CSGALNACT1: variants seen among roughly 807,000 people sequenced by gnomAD.
CSGALNACT1 encodes chondroitin sulfate N-acetylgalactosaminyltransferase 1, also known as beta4GalNAcT-1.
A neutral mutation model predicts 51.0 loss-of-function variants in CSGALNACT1; 52 were observed. That is an observed-to-expected ratio of 1.02 (90% confidence interval 0.82 to 1.29). The LOEUF is 1.29. Among genes scored for constraint, CSGALNACT1 ranks in the 50% most tolerant of loss-of-function variants. The pLI is 0.00. For missense variants in CSGALNACT1, 935 were observed against 679.2 expected (o/e 1.38, Z -4.19); for synonymous variants, 341 against 254.4 (o/e 1.34, Z -3.24).
intron 6 of CSGALNACT1, among the ~76,000 whole-genome samples, chr8:19,424,206 C>G (rs1435107528): frequency 6.6e-6 from 1 of 152,188 alleles, no homozygotes; most frequent in South Asian, 2.1e-4. Context: ...AGAGTCACTG[C>G]TGGCTTGGGA....
At chr8:19,459,250 T>C (rs1193925538) in intron 4 of CSGALNACT1, among the ~76,000 whole-genome samples, 1 of 151,718 alleles carries the variant, frequency 6.6e-6, no homozygotes, top group Non-Finnish European at 1.5e-5. Flanking sequence ...GAGCGTCATG[T>C]TGTGCGCCTG....
intron 4 of CSGALNACT1, among the ~76,000 whole-genome samples, chr8:19,482,377 G>A (rs2071649636): frequency 6.6e-6 from 1 of 152,106 alleles, no homozygotes; most frequent in Admixed American, 6.5e-5. Flanking sequence ...AACATCAGAG[G>A]ACTTTTTCCT....
chr8:19,455,736 C>G (rs934138049), intron 5 of CSGALNACT1, among the ~76,000 whole-genome samples: 2 of 152,224 alleles, frequency 1.3e-5, no homozygotes, highest in Non-Finnish European at 2.9e-5. Context: ...GCCTCCTGCT[C>G]CAGTGTCAGC....
chr8:19,475,682 GAA>G (rs1223078690), intron 4 of CSGALNACT1, among the ~76,000 whole-genome samples: 5 of 152,170 alleles, frequency 3.3e-5, no homozygotes, highest in Non-Finnish European at 7.3e-5. Flanking sequence ...CTTAAATACT[GAA>G]GATGAGGTTT....
intron 6 of CSGALNACT1, among the ~76,000 whole-genome samples, chr8:19,437,425 T>G (rs947587790): frequency 6.6e-6 from 1 of 152,068 alleles, no homozygotes; most frequent in Non-Finnish European, 1.5e-5. Context: ...GGAAGATTGA[T>G]CTGGAAGGTA....
rs541789388 is a variant in CSGALNACT1 at position 19,749,306 on chromosome 8, C to T, written c.-297+8544G>A. 1.5e-4 allele frequency among the ~76,000 whole-genome samples: 23 copies of T among 150,968 alleles called. No individual in the cohort carries two copies. The South Asian group carries it at 4.4e-3, about 29-fold the overall frequency. On this transcript the variant is annotated intron_variant, in intron 1 of 1. Coordinates refer to the CSGALNACT1 transcript ENST00000517494. Reference sequence around the variant, plus strand: ...GGCTTTTGAAAATTACAGTAACTTGCTTGAAACAAACTCTTCTCCAATTCG... The same window carrying T: ...GGCTTTTGAAAATTACAGTAACTTGTTTGAAACAAACTCTTCTCCAATTCG...
chr8:19,603,408 G>T (rs1468364510), upstream of CSGALNACT1, among the ~76,000 whole-genome samples: 1 of 152,212 alleles, frequency 6.6e-6, no homozygotes, highest in African/African-American at 2.4e-5. Flanking sequence ...CCTAGGGCCA[G>T]CTCTTGGCCC....
At chr8:19,627,997 T>C (rs1037257396) in intron 1 of CSGALNACT1, among the ~76,000 whole-genome samples, 1 of 152,208 alleles carries the variant, frequency 6.6e-6, no homozygotes, top group African/African-American at 2.4e-5. Flanking sequence ...CTCTCTGTAC[T>C]ATTTTTTTCA....
chr8:19,682,766 G>A (rs1482376536), upstream of CSGALNACT1: 1 of 454,042 alleles, frequency 2.2e-6, no homozygotes, highest in Admixed American at 2.3e-5. Context: ...AAGCCCGTCT[G>A]CCCAAGTTTG....
intron 5 of CSGALNACT1, among the ~76,000 whole-genome samples, chr8:19,452,181 T>G (rs991438143): frequency 1.3e-5 from 2 of 152,136 alleles, no homozygotes; most frequent in African/African-American, 2.4e-5. Context: ...CTGGCCCCAC[T>G]GACCGCCTCC....
chr8:19,604,502 C>G (rs1435847336), upstream of CSGALNACT1, among the ~76,000 whole-genome samples: 15 of 152,160 alleles, frequency 9.9e-5, no homozygotes, highest in East Asian at 7.7e-4. Flanking sequence ...AAGTCAGGAT[C>G]TTTCTAACTT....
At chr8:19,624,007 T>C (rs990493414) in intron 1 of CSGALNACT1, among the ~76,000 whole-genome samples, 4 of 152,222 alleles carry the variant, frequency 2.6e-5, no homozygotes, top group South Asian at 4.1e-4. Flanking sequence ...AGCTACTCCA[T>C]GGAACACAAG....
chr8:19,754,828 G>A (rs73667409), intron 1 of CSGALNACT1, among the ~76,000 whole-genome samples: 3,386 of 152,258 alleles, frequency 0.022, 141 homozygotes, highest in African/African-American at 0.077. Context: ...CCCTAGTGGC[G>A]AAGCTCCTCT....
At chr8:19,631,916 T>C (rs1051299331) in intron 1 of CSGALNACT1, among the ~76,000 whole-genome samples, 1 of 152,164 alleles carries the variant, frequency 6.6e-6, no homozygotes, top group African/African-American at 2.4e-5. Context: ...CTATAGCTTA[T>C]CCAGATGTTC....
At chr8:19,612,273 G>A (rs1236659339) in intron 1 of CSGALNACT1, among the ~76,000 whole-genome samples, 1 of 151,884 alleles carries the variant, frequency 6.6e-6, no homozygotes, top group Non-Finnish European at 1.5e-5. Context: ...AGCCTGGGAG[G>A]CTGAGGTTGC....
At chr8:19,626,455 C>T (rs1472206077) in intron 1 of CSGALNACT1, among the ~76,000 whole-genome samples, 1 of 152,018 alleles carries the variant, frequency 6.6e-6, no homozygotes, top group African/African-American at 2.4e-5. Context: ...GATCCTAGAT[C>T]TCAATGTAAA....
chr8:19,565,382 G>A (rs1225198994), intron 3 of CSGALNACT1, among the ~76,000 whole-genome samples: 1 of 152,144 alleles, frequency 6.6e-6, no homozygotes, highest in African/African-American at 2.4e-5. Flanking sequence ...CTACTTGGCA[G>A]ACTACAAAAC....
intron 1 of CSGALNACT1, among the ~76,000 whole-genome samples, chr8:19,712,401 A>G (rs1374364825): frequency 6.6e-6 from 1 of 152,152 alleles, no homozygotes; most frequent in Non-Finnish European, 1.5e-5. Context: ...GGAGGATGGA[A>G]GTACCTAGAG....
At chr8:19,565,862 G>A (rs776828991) in intron 3 of CSGALNACT1, among the ~76,000 whole-genome samples, 2 of 152,210 alleles carry the variant, frequency 1.3e-5, no homozygotes, top group African/African-American at 2.4e-5. Context: ...AGTGAGCCGA[G>A]ATCGTGCCAC....
Sources: allele counts gnomAD v4.1 joint callset (sites outside exome capture counted in the v4.1 genomes callset), GRCh38; gene constraint gnomAD v4.1.1; transcripts MANE v1.5; gene names NCBI Gene and HGNC (gene_info 2026-07-23, HGNC 2026-07-21).